KIF13A: variants seen among roughly 807,000 people sequenced by gnomAD.
KIF13A encodes the protein kinesin-like protein KIF13A.
A neutral mutation model predicts 212.2 loss-of-function variants in KIF13A; 79 were observed. The ratio of observed to expected loss-of-function variants is 0.37; its 90% CI spans 0.31 to 0.45. The LOEUF (loss-of-function observed/expected upper bound fraction) is 0.45. Among genes scored for constraint, KIF13A ranks in the 20% least tolerant of loss-of-function variants. The pLI is 1.00. For missense variants in KIF13A, 1,901 were observed against 2,209.0 expected, an observed-to-expected ratio of 0.86 and a Z score of 2.79; for synonymous variants, 789 against 808.6, an observed-to-expected ratio of 0.98 and a Z score of 0.41.
At chr6:17,901,794 T>C (rs1354876160) in intron 2 of KIF13A, among the ~76,000 whole-genome samples, 1 of 152,156 alleles carries the variant, frequency 6.6e-6, no homozygotes, top group East Asian at 1.9e-4. Context: ...ATGAATAATA[T>C]AAACATCTAT....
At chr6:17,833,765 C>T (rs929538757) in intron 12 of KIF13A, among the ~76,000 whole-genome samples, 196 bp downstream of exon 12, 20 of 146,848 alleles carry the variant, frequency 1.4e-4, no homozygotes, top group African/African-American at 4.3e-4. Context: ...CTACGGCATG[C>T]GAACTGCTTG....
chr6:17,764,712 T>G lies in KIF13A; in HGVS notation c.4816A>C (p.Asn1606His), dbSNP rs1297281131. 7 of 1,613,338 alleles carry G rather than the reference T, an allele frequency of 4.3e-6. No individual in the cohort carries two copies. The highest frequency in any genetic ancestry group is 5.9e-6 in the Non-Finnish European group (7 of 1,179,634). The change falls in exon 39 of 39, where the codon AAT becomes CAT. Residue 1606 changes from asparagine to histidine, a missense_variant. By Grantham distance (68) the Asn-to-His change is moderately conservative. Transcript: ENST00000259711. The surrounding 1 kb of genome is among the most constrained non-coding windows in gnomAD (Gnocchi z 5.1). ...ACCACCATGTCAGACAGGGTGGCAT[T>G]GGAGGCACTGTGGGAAAAGTAGCCA... ...TSGYFSHSAS[N>H]ATLSDMVVPS...
At chr6:17,885,713 C>T (rs1448168566) in intron 3 of KIF13A, among the ~76,000 whole-genome samples, 1 of 152,168 alleles carries the variant, frequency 6.6e-6, no homozygotes, top group Non-Finnish European at 1.5e-5. Context: ...CTCCCAAAAC[C>T]CAGACCAATA....
intron 2 of KIF13A, among the ~76,000 whole-genome samples, chr6:17,970,047 C>A (rs1229723499): frequency 6.6e-6 from 1 of 151,924 alleles, no homozygotes; most frequent in African/African-American, 2.4e-5. Context: ...CTCAGCCCCG[C>A]AAGTAGCTGG....
intron 3 of KIF13A, among the ~76,000 whole-genome samples, chr6:17,893,832 C>CTTTT (rs139288852): frequency 7.1e-4 from 55 of 77,336 alleles, no homozygotes; most frequent in African/African-American, 1.3e-3. Flanking sequence ...TTTCCTGCAT[C>CTTTT]TTTTTTTTTT....
Position 17,836,865 on chromosome 6 carries a change from A to G in KIF13A, c.1155+13T>C. The G allele has an allele frequency of 6.2e-7, 1 of 1,611,586 alleles. No homozygotes were observed. The highest frequency in any genetic ancestry group is 1.3e-5 in the African/African-American group (1 of 75,002). On this transcript the variant is annotated intron_variant, in intron 11 of 38. Coordinates refer to ENST00000259711, the MANE Select transcript of KIF13A (RefSeq NM_022113.6). ...GGGAACTTTACCAGCAGGGAGTACC[A>G]GGCTGCTTTTACCTCTGCCTGAGAG...
intron 38 of KIF13A, chr6:17,770,904 C>T: frequency 1.9e-6 from 1 of 540,030 alleles, no homozygotes; most frequent in East Asian, 3.5e-5. Flanking sequence ...TCTAAGCAAA[C>T]TTAAGCAAAA....
chr6:17,911,333 C>T (rs1467701904), intron 2 of KIF13A, among the ~76,000 whole-genome samples: 2 of 152,190 alleles, frequency 1.3e-5, no homozygotes, highest in African/African-American at 4.8e-5. Context: ...GCATCAAATG[C>T]CTTGCAAATA....
chr6:17,983,493 GCT>G (rs1491377279), intron 2 of KIF13A, among the ~76,000 whole-genome samples: 4 of 139,780 alleles, frequency 2.9e-5, no homozygotes, highest in Non-Finnish European at 6.1e-5. Context: ...TGCTGCTGCT[GCT>G]TTTTTTTTTT....
Position 17,886,330 on chromosome 6 carries a change from T to G in KIF13A, c.159+11838A>C, listed in dbSNP as rs1160045852. Among the ~76,000 whole-genome samples the G allele has an allele frequency of 2.0e-5, 3 of 152,116 alleles. No homozygotes were observed. The highest frequency in any genetic ancestry group is 1.5e-5 in the Non-Finnish European group (1 of 68,018). ...AGAGGAGAATGCTAGGCTGACTCCA[T>G]GGCCCCAGGTCACCAAAGCTAAAGG... is the stretch of plus-strand genomic sequence containing the variant. On this transcript the variant is annotated intron_variant, in intron 3 of 38. Coordinates refer to ENST00000259711, the MANE Select transcript of KIF13A (RefSeq NM_022113.6). The surrounding 1 kb of genome is among the most constrained non-coding windows in gnomAD (Gnocchi z 5.6).
intron 2 of KIF13A, among the ~76,000 whole-genome samples, chr6:17,949,273 G>A (rs948501551): frequency 6.6e-6 from 1 of 152,156 alleles, no homozygotes; most frequent in Admixed American, 6.5e-5. Context: ...TCAATGATAA[G>A]TTAATTACTA....
rs772462923 is a variant in KIF13A, at chr6:17,850,449, C to T, written c.591G>A (p.Glu197=). The part of the protein sequence containing the change: ...QLAVTSFEDI[E]SLMSEGNKSR... ...ACTTATTTCCCTCAGACATCAATGACTCAATATCCTAGGGGCAAAGCATAA... is the reference window on the plus strand; with the variant it reads ...ACTTATTTCCCTCAGACATCAATGATTCAATATCCTAGGGGCAAAGCATAA... Residue 197 remains glutamate (E), a synonymous_variant, in exon 8 of 39, where the codon GAG becomes GAA. Transcript: ENST00000259711. This position sits in a 1 kb window ranked among gnomAD's most constrained non-coding sequence, Gnocchi z 6.2. The T allele has an allele frequency of 2.5e-6, 4 of 1,612,484 alleles. No individual in the cohort carries two copies. In the South Asian group the frequency reaches 3.3e-5, roughly 13 times the overall value.
rs371030088 is a variant in KIF13A at position 17,904,325 on chromosome 6, G to A, written c.147-6145C>T. Among the ~76,000 whole-genome samples, 8 of 151,972 alleles carry A rather than the reference G, an allele frequency of 5.3e-5. No homozygotes were observed. In the East Asian group the frequency reaches 5.8e-4, roughly 11 times the overall value. Reference sequence around the variant, plus strand: ...TCTGCTAAAAATACAAAAATTAGCCGGGTGTTGTGGCACATGCCTGTAATC... The same window carrying A: ...TCTGCTAAAAATACAAAAATTAGCCAGGTGTTGTGGCACATGCCTGTAATC... On this transcript the variant is annotated intron_variant, in intron 2 of 38. Transcript: ENST00000259711.
At chr6:17,821,986 C>T in intron 16 of KIF13A, 3 of 1,454,184 alleles carry the variant, frequency 2.1e-6, no homozygotes, top group Non-Finnish European at 2.8e-6. Flanking sequence ...TGTGTATGCC[C>T]CAAAGGGAAG....
chr6:17,982,430 T>C lies in KIF13A; in HGVS notation c.146+4624A>G. 2 of 984,828 alleles carry C rather than the reference T, an allele frequency of 2.0e-6. No homozygotes were observed. The highest frequency in any genetic ancestry group is 2.4e-6 in the Non-Finnish European group (2 of 829,468). 61.0% of individuals were successfully genotyped at this position (984,828 alleles called of 1,614,324 possible). A position where few individuals can be genotyped will look rare whatever the true frequency, so the allele number is the denominator to read the frequency against. ...TTTGGAGCATTTTAGATTTCAGATG[T>C]TCAGACAGGGATACCGCTGGTGAAT... On this transcript the variant is annotated intron_variant, in intron 2 of 38. Coordinates refer to ENST00000259711, the MANE Select transcript of KIF13A (RefSeq NM_022113.6). The surrounding 1 kb of genome is among the most constrained non-coding windows in gnomAD (Gnocchi z 5.1).
At position 17,789,778 on chromosome 6, in the gene KIF13A, G is replaced by C; in HGVS notation, c.3261+94C>G. 1.0e-6 allele frequency: 1 copy of C among 963,270 alleles called. No homozygotes were observed. The highest frequency in any genetic ancestry group is 1.6e-6 in the Non-Finnish European group (1 of 616,256). The allele number at this position is 963,270 out of a possible 1,614,324, so 59.7% of individuals were successfully genotyped here. ...AAAAACTGCATATTCTCGCTCTAGGGCCCTCCTTCCTCCTCCCTGGCCTCT... is the reference window on the plus strand; with the variant it reads ...AAAAACTGCATATTCTCGCTCTAGGCCCCTCCTTCCTCCTCCCTGGCCTCT... On this transcript the variant is annotated intron_variant, in intron 26 of 38. Transcript: ENST00000259711. This position sits in a 1 kb window ranked among gnomAD's most constrained non-coding sequence, Gnocchi z 4.8.
chr6:17,987,061 C>T lies in KIF13A; in HGVS notation c.139G>A (p.Gly47Arg). The change falls in exon 2 of 39, where the codon GGA becomes AGA. Residue 47 changes from glycine to arginine, a missense_variant. Coordinates refer to ENST00000259711, the MANE Select transcript of KIF13A (RefSeq NM_022113.6). The surrounding 1 kb of genome is among the most constrained non-coding windows in gnomAD (Gnocchi z 7.7). ...LHPPPSNTKQ[G>R]ERKPPKVFAF... ...TCTCGGAACCCGCTTTACCTTTCTCCCTGTTTGGTGTTAGAAGGAGGAGGG... is the reference window on the plus strand; with the variant it reads ...TCTCGGAACCCGCTTTACCTTTCTCTCTGTTTGGTGTTAGAAGGAGGAGGG... The T allele has an allele frequency of 2.5e-6, 4 of 1,612,918 alleles. No individual in the cohort carries two copies. Among genetic ancestry groups the T allele is most frequent in the East Asian group, 2.2e-5 (1 of 44,842 alleles).
intron 4 of KIF13A, chr6:17,873,136 C>A: frequency 2.4e-6 from 1 of 413,658 alleles, no homozygotes; most frequent in Non-Finnish European, 4.3e-6. Flanking sequence ...TAAAATACCA[C>A]AAGGAGGTCA....
chr6:17,963,800 C>T lies in KIF13A; in HGVS notation c.146+23254G>A, dbSNP rs1779062241. On this transcript the variant is annotated intron_variant, in intron 2 of 38. Transcript: ENST00000259711. The surrounding 1 kb of genome is among the most constrained non-coding windows in gnomAD (Gnocchi z 4.1). ...TCATACTCCTGACCTTGTGATCCGCCCACCTCAGCCTCCCAAAGTGTTGGG... is the reference window on the plus strand; with the variant it reads ...TCATACTCCTGACCTTGTGATCCGCTCACCTCAGCCTCCCAAAGTGTTGGG... Among the ~76,000 whole-genome samples, 1 of 152,174 alleles carries T rather than the reference C, an allele frequency of 6.6e-6. No homozygotes were observed. Among genetic ancestry groups the T allele is most frequent in the Non-Finnish European group, 1.5e-5 (1 of 68,032 alleles).
Sources: gnomAD v4.1 joint callset for allele counts (sites outside exome capture counted in the v4.1 genomes callset) on GRCh38, gnomAD v4.1.1 for gene constraint, Gnocchi (gnomAD v3.1) non-coding constraint, MANE v1.5 for transcripts, NCBI Gene and HGNC (gene_info 2026-07-23, HGNC 2026-07-21) for gene names.